Variants in TSPAN14 observed in about 807,000 individuals in gnomAD.
TSPAN14 encodes tetraspanin-14.
A neutral mutation model predicts 36.6 loss-of-function variants in TSPAN14; 16 were observed. That is an observed-to-expected ratio of 0.44 (90% CI 0.30 to 0.66). TSPAN14 has a LOEUF of 0.66. TSPAN14 is among the 30% of genes least tolerant of loss of function. TSPAN14 has a pLI of 0.12. For missense variants in TSPAN14, 231 were observed against 355.1 expected (o/e 0.65, Z 2.81); for synonymous variants, 139 against 143.8 (o/e 0.97, Z 0.24).
chr10:80,520,704 C>T (rs567518015), exon 9 of TSPAN14: 1 of 533,510 alleles, frequency 1.9e-6, no homozygotes, highest in African/African-American at 1.9e-5. Flanking sequence ...CCCTCCCTTT[C>T]TTTCCCAGGC....
chr10:80,494,700 C>A (rs1459300605), intron 2 of TSPAN14, among the ~76,000 whole-genome samples: 1 of 152,320 alleles, frequency 6.6e-6, no homozygotes, highest in East Asian at 1.9e-4. Context: ...AAGGCCTGAT[C>A]CCTAGATCTT....
At chr10:80,469,069 G>A (rs933315581) in intron 1 of TSPAN14, among the ~76,000 whole-genome samples, 1 of 152,060 alleles carries the variant, frequency 6.6e-6, no homozygotes, top group Non-Finnish European at 1.5e-5. Context: ...CCTCGGTGCC[G>A]GGGATGTCTT....
At chr10:80,482,196 T>G (rs1349517986) in intron 1 of TSPAN14, among the ~76,000 whole-genome samples, 1 of 152,260 alleles carries the variant, frequency 6.6e-6, no homozygotes, top group East Asian at 1.9e-4. Flanking sequence ...TAGTTGATTC[T>G]TAGATTATGT....
chr10:80,477,170 G>A (rs1846966041), intron 1 of TSPAN14, among the ~76,000 whole-genome samples: 2 of 152,236 alleles, frequency 1.3e-5, no homozygotes, highest in South Asian at 4.1e-4. Context: ...CTGGGAGGAA[G>A]CTCTGCTTTT....
chr10:80,467,505 C>G (rs2131964888), intron 1 of TSPAN14, among the ~76,000 whole-genome samples: 1 of 151,702 alleles, frequency 6.6e-6, no homozygotes, highest in South Asian at 2.1e-4. Context: ...GGAAGTGTTG[C>G]TCAGAGGAAC....
chr10:80,484,706 C>T (rs945365261), intron 1 of TSPAN14, among the ~76,000 whole-genome samples: 1 of 151,986 alleles, frequency 6.6e-6, no homozygotes, highest in Non-Finnish European at 1.5e-5. Context: ...TTTGTGTTTC[C>T]TTTTTTATTT....
At chr10:80,464,035 G>T (rs749104211) in intron 1 of TSPAN14, among the ~76,000 whole-genome samples, 1 of 152,242 alleles carries the variant, frequency 6.6e-6, no homozygotes, top group Middle Eastern at 3.2e-3. Flanking sequence ...CAGCCAGAGC[G>T]AGTTGGGGTG....
chr10:80,502,011 G>A (rs971865429), intron 2 of TSPAN14, among the ~76,000 whole-genome samples: 1 of 152,212 alleles, frequency 6.6e-6, no homozygotes, highest in East Asian at 1.9e-4. Context: ...TCAGTGCCGC[G>A]AAGAAAATCA....
At chr10:80,461,742 T>A (rs1845978622) in intron 1 of TSPAN14, among the ~76,000 whole-genome samples, 1 of 151,944 alleles carries the variant, frequency 6.6e-6, no homozygotes, top group African/African-American at 2.4e-5. Flanking sequence ...TGGGCTCTGC[T>A]CACTCCTGCA....
intron 1 of TSPAN14, among the ~76,000 whole-genome samples, chr10:80,457,301 G>T (rs1437609285): frequency 6.6e-6 from 1 of 151,646 alleles, no homozygotes; most frequent in Non-Finnish European, 1.5e-5. Flanking sequence ...TTCTTCTCCT[G>T]CCTCAGCCTC....
intron 2 of TSPAN14, among the ~76,000 whole-genome samples, chr10:80,492,678 T>A (rs1474399019): frequency 6.6e-6 from 1 of 152,024 alleles, no homozygotes; most frequent in Non-Finnish European, 1.5e-5. Flanking sequence ...TAGCCGGGCG[T>A]GGTGGTGGGC....
At chr10:80,484,742 T>G (rs897916114) in intron 1 of TSPAN14, among the ~76,000 whole-genome samples, 1 of 152,186 alleles carries the variant, frequency 6.6e-6, no homozygotes, top group Non-Finnish European at 1.5e-5. Flanking sequence ...TCATGGGGAT[T>G]TTTTAGATTT....
At chr10:80,465,296 G>A (rs974705420) in intron 1 of TSPAN14, among the ~76,000 whole-genome samples, 49 of 151,842 alleles carry the variant, frequency 3.2e-4, no homozygotes, top group African/African-American at 3.9e-4. Flanking sequence ...CAGTGCTCCC[G>A]TTCCTCACGC....
chr10:80,454,749 C>T (rs929624165), intron 1 of TSPAN14, among the ~76,000 whole-genome samples: 2 of 152,216 alleles, frequency 1.3e-5, no homozygotes, highest in Non-Finnish European at 1.5e-5. Context: ...GCCGCTGCTG[C>T]TCGGGGCTCT....
chr10:80,512,576 T>G (rs1158406849), intron 6 of TSPAN14, among the ~76,000 whole-genome samples: 4 of 152,352 alleles, frequency 2.6e-5, no homozygotes, highest in East Asian at 3.9e-4. Context: ...TAAGGCCCGC[T>G]TATCCCTCTT....
chr10:80,482,565 G>A (rs905995413), intron 1 of TSPAN14, among the ~76,000 whole-genome samples: 5 of 150,940 alleles, frequency 3.3e-5, no homozygotes, highest in African/African-American at 1.2e-4. Flanking sequence ...TGTGATTATA[G>A]GCATGAACCA....
At position 80,509,427 on chromosome 10, in the gene TSPAN14, G is replaced by A. The variant is rs1840488637; in HGVS notation, c.406G>A (p.Asp136Asn). ...CGAGAGCAACATCAAGTCCTACCGG[G>A]ACGATATCGATCTGCAAAACCTCAT... Residue 136 changes from aspartate (D) to asparagine (N), a missense_variant, in exon 5 of 9, where the codon GAC becomes AAC. Transcript: ENST00000429989. The surrounding 1 kb of genome is among the most constrained non-coding windows in gnomAD (Gnocchi z 4.7). 1 of 1,614,128 alleles carries A rather than the reference G, an allele frequency of 6.2e-7. No individual in the cohort carries two copies. Among genetic ancestry groups the A allele is most frequent in the Non-Finnish European group, 8.5e-7 (1 of 1,180,022 alleles).
At chr10:80,470,665 C>T (rs930798671) in intron 1 of TSPAN14, among the ~76,000 whole-genome samples, 5 of 152,236 alleles carry the variant, frequency 3.3e-5, no homozygotes, top group African/African-American at 1.2e-4. Context: ...ACTGGAGCAG[C>T]TCCTGTAACA....
In TSPAN14 at chr10:80,479,324, T is replaced by C. The variant is rs1847109189; in HGVS notation, c.-17-9893T>C. On this transcript the variant is annotated intron_variant, in intron 1 of 8. Coordinates refer to ENST00000429989, the Ensembl canonical transcript of TSPAN14. ...AGATCCCATTTGTCAATTTTGGCTTTTGTTGCCATTGCTTTTGGTGTTTTA... is the reference window on the plus strand; with the variant it reads ...AGATCCCATTTGTCAATTTTGGCTTCTGTTGCCATTGCTTTTGGTGTTTTA... Among the ~76,000 whole-genome samples the C allele has an allele frequency of 7.3e-5, 11 of 151,448 alleles. No individual in the cohort carries two copies. In the South Asian group the frequency reaches 2.3e-3, roughly 32 times the overall value.
Sources: allele counts gnomAD v4.1 joint callset (sites outside exome capture counted in the v4.1 genomes callset), GRCh38; gene constraint gnomAD v4.1.1; non-coding constraint Gnocchi (gnomAD v3.1); transcripts MANE v1.5; gene names NCBI Gene and HGNC (gene_info 2026-07-23, HGNC 2026-07-21).